The following CPNE8 variants were observed in gnomAD, a reference collection of about 807,000 sequenced individuals.
CPNE8 encodes copine-8.
Under a neutral mutation model 81.5 loss-of-function variants are expected in CPNE8, and 45 were observed. The observed-to-expected ratio is 0.55, with a 90% CI of 0.44 to 0.71. The LOEUF (loss-of-function observed/expected upper bound fraction) is 0.71. Among genes scored for constraint, CPNE8 ranks in the 30% least tolerant of loss-of-function variants. The probability of loss-of-function intolerance (pLI) is 0.00; values close to 1 mark genes in which losing one functional copy is unlikely to be tolerated. For synonymous variants in CPNE8, 252 were observed against 226.3 expected (o/e 1.11, Z -1.02); for missense variants, 594 against 672.1 (o/e 0.88, Z 1.28).
intron 16 of CPNE8, among the ~76,000 whole-genome samples, chr12:38,683,063 T>C (rs955484053): frequency 3.3e-5 from 5 of 152,186 alleles, no homozygotes; most frequent in African/African-American, 1.2e-4. Context: ...ATTTTATAAA[T>C]TTGATGCTTT....
At chr12:38,880,344 C>T (rs1323491075) in intron 1 of CPNE8, among the ~76,000 whole-genome samples, 2 of 152,200 alleles carry the variant, frequency 1.3e-5, no homozygotes, top group African/African-American at 2.4e-5. Flanking sequence ...CTAACTAGCA[C>T]AAGCTTGCAC....
chr12:38,678,178 T>G (rs1185579057), intron 16 of CPNE8, among the ~76,000 whole-genome samples: 1 of 151,972 alleles, frequency 6.6e-6, no homozygotes, highest in Non-Finnish European at 1.5e-5. Context: ...AATTACACAA[T>G]AGAAGAAATA....
intron 1 of CPNE8, among the ~76,000 whole-genome samples, chr12:38,890,839 T>G (rs1213974419): frequency 1.3e-5 from 2 of 151,298 alleles, no homozygotes; most frequent in African/African-American, 2.4e-5. Flanking sequence ...CTCCTTTTTT[T>G]GGGTAGTATT....
At chr12:38,828,364 G>A (rs1185668931) in intron 6 of CPNE8, among the ~76,000 whole-genome samples, 2 of 152,038 alleles carry the variant, frequency 1.3e-5, no homozygotes, top group African/African-American at 4.8e-5. Context: ...TTTAAAATGG[G>A]AGCTGATATA....
intron 10 of CPNE8, among the ~76,000 whole-genome samples, chr12:38,737,808 A>T (rs1450941536): frequency 7.6e-6 from 1 of 132,242 alleles, no homozygotes; most frequent in East Asian, 2.6e-4. Flanking sequence ...ATCTGCCAGG[A>T]GTAACACATA....
chr12:38,799,522 G>A (rs1478339178), intron 6 of CPNE8, among the ~76,000 whole-genome samples: 1 of 152,102 alleles, frequency 6.6e-6, no homozygotes, highest in Non-Finnish European at 1.5e-5. Context: ...CAACATACCA[G>A]AATCTCTGGG....
chr12:38,731,208 G>T (rs1940823387), intron 10 of CPNE8, among the ~76,000 whole-genome samples: 1 of 151,924 alleles, frequency 6.6e-6, no homozygotes, highest in South Asian at 2.1e-4. Context: ...AGAATATACA[G>T]ATTGTAGGAG....
intron 6 of CPNE8, among the ~76,000 whole-genome samples, chr12:38,795,851 T>TA (rs1555160604): frequency 1.1e-4 from 8 of 75,390 alleles, no homozygotes; most frequent in Non-Finnish European, 2.8e-5. Flanking sequence ...GTAAATATGA[T>TA]GATAGATGGA....
rs1198083425 is a variant in CPNE8 at position 38,724,855 on chromosome 12, A to C, written c.843T>G (p.Asn281Lys). 6.8e-7 allele frequency: 1 copy of C among 1,477,660 alleles called. No individual in the cohort carries two copies. The allele number at this position is 1,477,660 out of a possible 1,614,324, so 91.5% of individuals were successfully genotyped here. Residue 281 changes from asparagine to lysine, a missense_variant, in exon 12 of 20, where the codon AAT becomes AAG. Physicochemically the swap from Asn to Lys is moderately conservative, Grantham distance 94. Transcript: ENST00000331366. ...KKKGKKKKYT[N>K]SGTVTLLSFL... ...ATAAAATTTGACTTACTGTTCCAGA[A>C]TTAGTATATTTTTTCTTTTTTCCTT...
At chr12:38,732,578 G>A (rs1401791345) in intron 10 of CPNE8, among the ~76,000 whole-genome samples, 1 of 151,910 alleles carries the variant, frequency 6.6e-6, no homozygotes, top group African/African-American at 2.4e-5. Context: ...GTTCTGAAAG[G>A]ACCCTTTTTA....
At chr12:38,678,815 G>A (rs898827990) in intron 16 of CPNE8, among the ~76,000 whole-genome samples, 6 of 151,800 alleles carry the variant, frequency 4.0e-5, no homozygotes, top group South Asian at 2.1e-4. Flanking sequence ...CTGTAAGCAG[G>A]ATGTTGAACA....
intron 13 of CPNE8, among the ~76,000 whole-genome samples, chr12:38,713,806 G>A (rs1240685150): frequency 6.7e-6 from 1 of 149,496 alleles, no homozygotes; most frequent in Non-Finnish European, 1.5e-5. Context: ...ACCTGGACTC[G>A]CTGGATGAGA....
chr12:38,725,177 C>G (rs1250748426), intron 11 of CPNE8, among the ~76,000 whole-genome samples: 1 of 152,074 alleles, frequency 6.6e-6, no homozygotes, highest in Non-Finnish European at 1.5e-5. Context: ...ATGATAGAGA[C>G]CTTTAACATC....
intron 1 of CPNE8, among the ~76,000 whole-genome samples, chr12:38,876,247 C>G (rs1248634501): frequency 6.6e-6 from 1 of 152,050 alleles, no homozygotes; most frequent in African/African-American, 2.4e-5. Context: ...AACTTTCACT[C>G]GTTACCCAGG....
At position 38,760,841 on chromosome 12, in the gene CPNE8, T is replaced by G; in HGVS notation, c.722+6A>C. ...TTCAAGAGTAAGAAGATAAGAACTG[T>G]CTTACCTTCCATCTCGGTCCCAGTC... is the stretch of plus-strand genomic sequence containing the variant. On this transcript the variant is annotated splice_donor_region_variant and intron_variant, in intron 10 of 19. Transcript: ENST00000331366. 11 of 1,593,952 alleles carry G rather than the reference T, an allele frequency of 6.9e-6. No homozygotes were observed. The highest frequency in any genetic ancestry group is 8.5e-6 in the Non-Finnish European group (10 of 1,170,960).
chr12:38,727,447 C>A (rs1296188087), intron 11 of CPNE8, among the ~76,000 whole-genome samples: 1 of 152,022 alleles, frequency 6.6e-6, no homozygotes, highest in Non-Finnish European at 1.5e-5. Flanking sequence ...ACACTGTACA[C>A]CATTAGTATT....
At chr12:38,828,586 T>C (rs1339144603) in intron 6 of CPNE8, among the ~76,000 whole-genome samples, 2 of 152,056 alleles carry the variant, frequency 1.3e-5, no homozygotes, top group Non-Finnish European at 2.9e-5. Flanking sequence ...ATTTATGGAG[T>C]ATTGGAATAT....
intron 6 of CPNE8, among the ~76,000 whole-genome samples, chr12:38,827,166 CAAAAAA>C (rs10574071): frequency 1.1e-5 from 1 of 93,130 alleles, no homozygotes. Flanking sequence ...GACTCCGTCT[CAAAAAA>C]AAAAAAAAAA....
intron 7 of CPNE8, among the ~76,000 whole-genome samples, chr12:38,772,649 C>G (rs553668543): frequency 2.0e-5 from 3 of 152,190 alleles, no homozygotes; most frequent in South Asian, 2.1e-4. Flanking sequence ...AAAAGGAAAC[C>G]CTTGTACACT....
Sources: allele counts gnomAD v4.1 joint callset (sites outside exome capture counted in the v4.1 genomes callset), GRCh38; gene constraint gnomAD v4.1.1; transcripts MANE v1.5; gene names NCBI Gene and HGNC (gene_info 2026-07-23, HGNC 2026-07-21).